NRG4: variants seen among roughly 807,000 people sequenced by gnomAD.
The protein encoded by NRG4 is neuregulin 4.
In NRG4, 10 loss-of-function variants were observed where a neutral mutation model predicts 15.0. The ratio of observed to expected loss-of-function variants is 0.67; its 90% CI spans 0.41 to 1.13. NRG4 has a LOEUF of 1.13. NRG4 is among the 50% of genes most tolerant of loss of function. The pLI is 0.00. For synonymous variants in NRG4, 41 were observed against 50.1 expected (o/e 0.82, Z 0.77); for missense variants, 139 against 140.2 (o/e 0.99, Z 0.04).
chr15:76,019,051 G>C (rs2035072115), intron 5 of NRG4, among the ~76,000 whole-genome samples: 1 of 152,016 alleles, frequency 6.6e-6, no homozygotes, highest in Admixed American at 6.5e-5. Context: ...AATCTAGAGA[G>C]GCAGTCTGTC....
chr15:76,011,010 C>T (rs1043801693), intron 2 of NRG4, among the ~76,000 whole-genome samples: 1 of 152,026 alleles, frequency 6.6e-6, no homozygotes, highest in African/African-American at 2.4e-5. Context: ...ACCAATAAAA[C>T]ACATATATCT....
At chr15:75,958,347 CTTATT>C (rs1207962512) in intron 4 of NRG4, among the ~76,000 whole-genome samples, 1 of 152,240 alleles carries the variant, frequency 6.6e-6, no homozygotes, top group African/African-American at 2.4e-5. Flanking sequence ...ATTAAACATA[CTTATT>C]TTATATCATG....
chr15:76,042,117 C>CA (rs1231695010), intron 4 of NRG4, among the ~76,000 whole-genome samples: 1 of 151,824 alleles, frequency 6.6e-6, no homozygotes, highest in East Asian at 1.9e-4. Context: ...AAAACTGAAA[C>CA]ATTTACTGAA....
At chr15:75,957,398 G>A (rs2032292182) in intron 4 of NRG4, among the ~76,000 whole-genome samples, 1 of 152,120 alleles carries the variant, frequency 6.6e-6, no homozygotes, top group Admixed American at 6.5e-5. Flanking sequence ...GGGGTTAACT[G>A]TTTTCTCTCA....
intron 4 of NRG4, among the ~76,000 whole-genome samples, chr15:75,959,395 G>GT (rs2032405684): frequency 6.6e-6 from 1 of 152,002 alleles, no homozygotes; most frequent in East Asian, 1.9e-4. Flanking sequence ...TTTATCTTAT[G>GT]AGCATATGAT....
At chr15:76,058,766 T>C (rs2036218250) in intron 1 of NRG4, among the ~76,000 whole-genome samples, 1 of 152,170 alleles carries the variant, frequency 6.6e-6, no homozygotes, top group South Asian at 2.1e-4. Context: ...CAACACCCTA[T>C]AGGAAAATGG....
At chr15:76,059,205 C>T (rs1198291842) in intron 1 of NRG4, among the ~76,000 whole-genome samples, 1 of 152,194 alleles carries the variant, frequency 6.6e-6, no homozygotes, top group Admixed American at 6.5e-5. Flanking sequence ...AGAGGAGAAA[C>T]ACGGTCCTAC....
At chr15:76,031,670 CCT>C (rs2035474906) in intron 5 of NRG4, among the ~76,000 whole-genome samples, 2 of 152,096 alleles carry the variant, frequency 1.3e-5, no homozygotes, top group South Asian at 4.2e-4. Context: ...AGCACTCCAG[CCT>C]GGGCGACAGA....
At chr15:76,010,634 A>AT (rs758434111) in intron 2 of NRG4, among the ~76,000 whole-genome samples, 1 of 152,068 alleles carries the variant, frequency 6.6e-6, no homozygotes, top group Non-Finnish European at 1.5e-5. Context: ...ATGCTTTTAG[A>AT]TTTTTTTCTT....
upstream of NRG4, among the ~76,000 whole-genome samples, chr15:76,017,317 T>C (rs1428474817): frequency 1.3e-5 from 2 of 152,162 alleles, no homozygotes; most frequent in African/African-American, 2.4e-5. Flanking sequence ...TGTCTTTTAA[T>C]TGGGGCATTT....
At chr15:76,010,432 T>C (rs1459234064) in intron 2 of NRG4, among the ~76,000 whole-genome samples, 5 of 152,088 alleles carry the variant, frequency 3.3e-5, no homozygotes, top group African/African-American at 1.2e-4. Flanking sequence ...TATCAATACT[T>C]GCTAAGATAT....
At chr15:76,013,677 C>G (rs151016079), upstream of NRG4, among the ~76,000 whole-genome samples, 1 of 152,254 alleles carries the variant, frequency 6.6e-6, no homozygotes, top group African/African-American at 2.4e-5. Context: ...TGAGCTCATC[C>G]TTTCTTATGG....
At chr15:75,983,698 T>C (rs997729125) in intron 3 of NRG4, among the ~76,000 whole-genome samples, 2 of 152,082 alleles carry the variant, frequency 1.3e-5, no homozygotes, top group African/African-American at 4.8e-5. Context: ...CTTTCTTATA[T>C]ACAGACAATA....
chr15:75,980,958 A>G (rs2033584492), intron 3 of NRG4, among the ~76,000 whole-genome samples: 1 of 152,222 alleles, frequency 6.6e-6, no homozygotes, highest in Non-Finnish European at 1.5e-5. Context: ...ACAGAAAAAG[A>G]GAATGAAACC....
intron 1 of NRG4, chr15:76,011,932 A>G (rs952201803): frequency 1.3e-5 from 2 of 152,188 alleles, no homozygotes; most frequent in African/African-American, 4.8e-5. Flanking sequence ...GTAGCTAATA[A>G]GACATTCTTA....
rs879302570 is a variant in NRG4, at chr15:76,018,536, TGATGC to T, written c.-56-7255_-56-7251del. ...AAGTGGACATCCTTTTTGTTGATGT[TGATGC>T]GATTCCTTTCTGTTTGTTAATTTTC... On this transcript the variant is annotated intron_variant, in intron 5 of 8. Coordinates refer to the NRG4 transcript ENST00000563910. Among the ~76,000 whole-genome samples the T allele has an allele frequency of 1.4e-4, 22 of 152,330 alleles. No homozygotes were observed. In the Middle Eastern group the frequency reaches 0.02, roughly 141 times the overall value.
intron 3 of NRG4, among the ~76,000 whole-genome samples, chr15:75,988,479 G>A (rs893504144): frequency 6.6e-6 from 1 of 152,098 alleles, no homozygotes; most frequent in Admixed American, 6.5e-5. Context: ...GAGCCACCAC[G>A]TCCAGCCTAC....
chr15:75,970,956 A>AGGT (rs1328017058), intron 3 of NRG4, among the ~76,000 whole-genome samples: 2 of 152,242 alleles, frequency 1.3e-5, no homozygotes, highest in African/African-American at 2.4e-5. Flanking sequence ...AAAGATGACC[A>AGGT]GGTGTCCTGT....
chr15:76,025,161 T>C (rs1456562073), intron 5 of NRG4, among the ~76,000 whole-genome samples: 2 of 152,152 alleles, frequency 1.3e-5, no homozygotes, highest in Non-Finnish European at 2.9e-5. Flanking sequence ...AGACAGGGGC[T>C]GGGCGTGGTG....
Sources: allele counts gnomAD v4.1 joint callset (sites outside exome capture counted in the v4.1 genomes callset), GRCh38; gene constraint gnomAD v4.1.1; transcripts MANE v1.5; gene names NCBI Gene and HGNC (gene_info 2026-07-23, HGNC 2026-07-21).